NTNG2: variants seen among roughly 807,000 people sequenced by gnomAD.
NTNG2 encodes the protein netrin-G2.
Under a neutral mutation model 47.6 loss-of-function variants are expected in NTNG2, and 15 were observed. The ratio of observed to expected loss-of-function variants is 0.32; its 90% CI spans 0.21 to 0.49. The LOEUF (loss-of-function observed/expected upper bound fraction) is 0.49, where lower values mean the gene tolerates loss of function less well. NTNG2 is among the 20% of genes least tolerant of loss of function. NTNG2 has a pLI of 0.99. For missense variants in NTNG2, 578 were observed against 764.6 expected (o/e 0.76, Z 2.88); for synonymous variants, 307 against 324.6 (o/e 0.95, Z 0.58).
rs893528581 is a variant in NTNG2, at chr9:132,236,271, T to C, written c.1055-2833T>C. 6.6e-6 allele frequency among the ~76,000 whole-genome samples: 1 copy of C among 151,426 alleles called. No homozygotes were observed. The highest frequency in any genetic ancestry group is 1.5e-5 in the Non-Finnish European group (1 of 67,846). On this transcript the variant is annotated intron_variant, in intron 5 of 7. Coordinates refer to ENST00000393229, the MANE Select transcript of NTNG2 (RefSeq NM_032536.4). This position sits in a 1 kb window ranked among gnomAD's most constrained non-coding sequence, Gnocchi z 4.3. ...TGGGATGGCAGGGAGCCTGACAAAG[T>C]GGAAAATGTGTGGGTTAAAGGAGGG...
At chr9:132,225,384 C>T (rs1172177839) in intron 3 of NTNG2, among the ~76,000 whole-genome samples, 1 of 152,142 alleles carries the variant, frequency 6.6e-6, no homozygotes, top group Admixed American at 6.6e-5. Flanking sequence ...GATCCTCCTG[C>T]CCTAGCCTCT....
intron 3 of NTNG2, among the ~76,000 whole-genome samples, chr9:132,220,646 G>T (rs892508993): frequency 6.6e-6 from 1 of 151,828 alleles, no homozygotes; most frequent in African/African-American, 2.4e-5. Context: ...TAGAGACGGG[G>T]TTTCACCATG....
At chr9:132,230,483 T>G in intron 4 of NTNG2, 89 bp from the exon 5 acceptor site, 2 of 1,256,306 alleles carry the variant, frequency 1.6e-6, no homozygotes, top group Non-Finnish European at 2.3e-6. Flanking sequence ...CTCCAGGTGC[T>G]CCCCTGCCCT....
Position 132,231,260 on chromosome 9 carries a change from A to G in NTNG2, c.1054+665A>G. The G allele has an allele frequency of 2.2e-6, 1 of 455,300 alleles. No individual in the cohort carries two copies. The highest frequency in any genetic ancestry group is 1.6e-5 in the South Asian group (1 of 64,452). The allele number at this position is 455,300 out of a possible 1,614,324, so 28.2% of individuals were successfully genotyped here. ...AATGTCATCGAGACTGTCCCCAGAC[A>G]CTCACAGGGTGCCAGGCACGGTCTC... On this transcript the variant is annotated intron_variant, in intron 5 of 7. Transcript: ENST00000393229. This position sits in a 1 kb window ranked among gnomAD's most constrained non-coding sequence, Gnocchi z 4.1.
At position 132,220,141 on chromosome 9, in the gene NTNG2, G is replaced by A. The variant is rs377544766; in HGVS notation, c.858-6708G>A. ...TCTTGGCCATTTGTATGCCTTCTTC[G>A]GAGAAATGTCTGTGCTGATCCTTTC... is the stretch of plus-strand genomic sequence containing the variant. On this transcript the variant is annotated intron_variant, in intron 3 of 7. Coordinates refer to ENST00000393229, the MANE Select transcript of NTNG2 (RefSeq NM_032536.4). 2.3e-4 allele frequency among the ~76,000 whole-genome samples: 35 copies of A among 152,202 alleles called. 1 individual carries two copies. In the East Asian group the frequency reaches 5.8e-3, roughly 25 times the overall value.
At chr9:132,168,773 C>T (rs958294567) in intron 2 of NTNG2, among the ~76,000 whole-genome samples, 2 of 152,156 alleles carry the variant, frequency 1.3e-5, no homozygotes, top group African/African-American at 2.4e-5. Flanking sequence ...CTCTGTCTCT[C>T]GTATTAGAGT....
chr9:132,223,767 C>G (rs1449867142), intron 3 of NTNG2, among the ~76,000 whole-genome samples: 1 of 152,186 alleles, frequency 6.6e-6, no homozygotes, highest in Non-Finnish European at 1.5e-5. Context: ...ACTGATCTCT[C>G]CCTGCCCAGG....
chr9:132,191,634 C>T (rs1044200764), intron 2 of NTNG2, among the ~76,000 whole-genome samples: 3 of 151,984 alleles, frequency 2.0e-5, no homozygotes, highest in Non-Finnish European at 4.4e-5. Context: ...TGCAGTGGCG[C>T]GATCTCGGCT....
At chr9:132,198,855 T>G (rs909743162) in intron 3 of NTNG2, among the ~76,000 whole-genome samples, 4 of 152,040 alleles carry the variant, frequency 2.6e-5, no homozygotes, top group African/African-American at 9.7e-5. Flanking sequence ...ACACATCCCC[T>G]GGTTCTTGGG....
intron 2 of NTNG2, among the ~76,000 whole-genome samples, chr9:132,176,564 C>T (rs551014749): frequency 1.3e-5 from 2 of 152,336 alleles, no homozygotes; most frequent in South Asian, 4.1e-4. Flanking sequence ...CCTGTGGACA[C>T]ACCATATTTT....
intron 6 of NTNG2, among the ~76,000 whole-genome samples, 171 bp downstream of exon 6, chr9:132,239,442 A>C (rs983931492): frequency 6.6e-6 from 1 of 152,234 alleles, no homozygotes; most frequent in Admixed American, 6.5e-5. Context: ...AAAGCTCCAG[A>C]AACTGCTCTA....
At chr9:132,194,349 G>A (rs79810606) in intron 2 of NTNG2, among the ~76,000 whole-genome samples, 2,595 of 152,278 alleles carry the variant, frequency 0.017, 76 homozygotes, top group African/African-American at 0.059. Context: ...GCTCCCTCAC[G>A]GGTCAAGCCT....
At position 132,163,563 on chromosome 9, in the gene NTNG2, G is replaced by A. The variant is rs1055251933; in HGVS notation, c.-484+1324G>A. Among the ~76,000 whole-genome samples, 1 of 152,102 alleles carries A rather than the reference G, an allele frequency of 6.6e-6. No homozygotes were observed. Among genetic ancestry groups the A allele is most frequent in the African/African-American group, 2.4e-5 (1 of 41,448 alleles). ...CGGCAACCGCCACTCTCCCCTGAAA[G>A]CAGATTTCACCCCCCTCTGCCGCCC... On this transcript the variant is annotated intron_variant, in intron 1 of 7. Transcript: ENST00000393229. The surrounding 1 kb of genome is among the most constrained non-coding windows in gnomAD (Gnocchi z 7.2).
intron 3 of NTNG2, among the ~76,000 whole-genome samples, chr9:132,201,301 G>A (rs964127918): frequency 2.0e-5 from 3 of 152,238 alleles, no homozygotes; most frequent in Non-Finnish European, 4.4e-5. Flanking sequence ...AGGTGGTTCC[G>A]CTTGGCACCC....
chr9:132,241,719 C>A (rs1055719866), intron 7 of NTNG2, among the ~76,000 whole-genome samples, 157 bp from the exon 8 acceptor site: 6 of 152,180 alleles, frequency 3.9e-5, no homozygotes, highest in Admixed American at 6.5e-5. Flanking sequence ...CCGTCACCCT[C>A]CGAGGGGGGA....
At chr9:132,186,303 A>T (rs1229706245) in intron 2 of NTNG2, among the ~76,000 whole-genome samples, 2 of 152,200 alleles carry the variant, frequency 1.3e-5, no homozygotes, top group Non-Finnish European at 2.9e-5. Context: ...TTCAACTGGG[A>T]TAGAATTTCC....
rs982514186 is a variant in NTNG2 at position 132,162,163 on chromosome 9, G to T, written c.-560G>T. The T allele has an allele frequency of 2.6e-5, 4 of 152,488 alleles. No homozygotes were observed. Among genetic ancestry groups the T allele is most frequent in the African/African-American group, 7.2e-5 (3 of 41,490 alleles). The allele number at this position is 152,488 out of a possible 1,614,324, so 9.4% of individuals were successfully genotyped here. On this transcript the variant is annotated 5_prime_UTR_variant, in exon 1 of 8. Transcript: ENST00000393229. The surrounding 1 kb of genome is among the most constrained non-coding windows in gnomAD (Gnocchi z 4.6). ...CGCCCCCACCCAGCGCCAGCCCGAGGGGGGAGGCGCAGCGCCGGAGGGTGG... is the reference window on the plus strand; with the variant it reads ...CGCCCCCACCCAGCGCCAGCCCGAGTGGGGAGGCGCAGCGCCGGAGGGTGG...
chr9:132,228,597 G>A (rs755402061), intron 4 of NTNG2, among the ~76,000 whole-genome samples: 18 of 147,266 alleles, frequency 1.2e-4, no homozygotes, highest in East Asian at 2.0e-4. Flanking sequence ...TCACTCTGTC[G>A]TCCAGGCTGG....
intron 4 of NTNG2, among the ~76,000 whole-genome samples, chr9:132,228,269 A>G (rs1840937998): frequency 6.6e-6 from 1 of 152,232 alleles, no homozygotes; most frequent in Non-Finnish European, 1.5e-5. Context: ...CGTGTGCTAC[A>G]GCAGGCGGTG....
Sources: gnomAD v4.1 joint callset for allele counts (sites outside exome capture counted in the v4.1 genomes callset) on GRCh38, gnomAD v4.1.1 for gene constraint, Gnocchi (gnomAD v3.1) non-coding constraint, MANE v1.5 for transcripts, NCBI Gene and HGNC (gene_info 2026-07-23, HGNC 2026-07-21) for gene names.